Variants in FAM171A1 observed in about 807,000 individuals in gnomAD.
The protein encoded by FAM171A1 is protein FAM171A1.
In FAM171A1, 23 loss-of-function variants were observed where a neutral mutation model predicts 74.9. The observed-to-expected ratio is 0.31, with a 90% CI of 0.22 to 0.44. The LOEUF (loss-of-function observed/expected upper bound fraction) is 0.44, where lower values mean the gene tolerates loss of function less well. Ranked by LOEUF, FAM171A1 falls within the 20% of genes least tolerant of loss-of-function variation. The pLI, the probability that FAM171A1 is intolerant of heterozygous loss-of-function variation, is 1.00. For missense variants in FAM171A1, 1,162 were observed against 1,159.2 expected (o/e 1.00, Z -0.03); for synonymous variants, 527 against 505.7 (o/e 1.04, Z -0.57).
At chr10:15,296,115 T>C (rs1364334378) in intron 1 of FAM171A1, among the ~76,000 whole-genome samples, 1 of 152,184 alleles carries the variant, frequency 6.6e-6, no homozygotes, top group Admixed American at 6.5e-5. Context: ...TTTCTATTTA[T>C]ACTTCTTTTA....
intron 6 of FAM171A1, among the ~76,000 whole-genome samples, chr10:15,220,596 T>C (rs1240598341): frequency 6.6e-6 from 1 of 152,154 alleles, no homozygotes; most frequent in Non-Finnish European, 1.5e-5. Flanking sequence ...TGCTTTTCCC[T>C]ACATGTGTGC....
At chr10:15,265,098 G>A (rs112845472) in intron 3 of FAM171A1, among the ~76,000 whole-genome samples, 2,187 of 152,148 alleles carry the variant, frequency 0.014, 16 homozygotes, top group Non-Finnish European at 0.025. Flanking sequence ...TTATAAAAAG[G>A]TGCAGCCAGT....
chr10:15,248,664 C>G lies in FAM171A1; in HGVS notation c.729G>C (p.Ala243=), dbSNP rs773954432. The part of the protein sequence containing the change: ...QSSLRHNAYV[A]AWRFDQKLGT... ...CCAGCTTCTGGTCAAACCGCCACGC[C>G]GCGACATAGGCATTGTGCCTCAGGC... The change falls in exon 5 of 8, where the codon GCG becomes GCC. Residue 243 remains alanine (A), a synonymous_variant. Coordinates refer to ENST00000378116, the MANE Select transcript of FAM171A1 (RefSeq NM_001010924.2). 4 of 1,609,798 alleles carry G rather than the reference C, an allele frequency of 2.5e-6. No homozygotes were observed. In the East Asian group the frequency reaches 6.7e-5, roughly 27 times the overall value.
At chr10:15,325,766 C>T (rs1290784826) in intron 1 of FAM171A1, among the ~76,000 whole-genome samples, 3 of 152,084 alleles carry the variant, frequency 2.0e-5, no homozygotes, top group Non-Finnish European at 4.4e-5. Context: ...CTTCCACGTC[C>T]AATTGGACCA....
chr10:15,219,500 A>T (rs767032838), intron 6 of FAM171A1, among the ~76,000 whole-genome samples: 3 of 152,224 alleles, frequency 2.0e-5, no homozygotes, highest in Non-Finnish European at 4.4e-5. Flanking sequence ...TAGGTATTTC[A>T]GATTCAGAGA....
rs1176574202 is a variant in FAM171A1 at position 15,221,029 on chromosome 10, C to T, written c.786G>A (p.Val262=). 6.2e-7 allele frequency: 1 copy of T among 1,614,060 alleles called. No homozygotes were observed. Among genetic ancestry groups the T allele is most frequent in the Non-Finnish European group, 8.5e-7 (1 of 1,180,032 alleles). ...GTWLKSGLGL[V]HQEGSQLTWT... ...ACGTCAGCTGGCTGCCTTCCTGGTG[C>T]ACAAGACCCAGACCGCTCTTCAGCC... The change falls in exon 6 of 8, where the codon GTG becomes GTA. Residue 262 remains valine, a synonymous_variant. Transcript: ENST00000378116.
intron 5 of FAM171A1, among the ~76,000 whole-genome samples, chr10:15,235,920 A>T (rs554661716): frequency 2.0e-5 from 3 of 152,206 alleles, no homozygotes; most frequent in Non-Finnish European, 4.4e-5. Flanking sequence ...CCTCACCTAC[A>T]AGGTGAGGAT....
At chr10:15,336,849 A>G (rs1835706657) in intron 1 of FAM171A1, among the ~76,000 whole-genome samples, 1 of 152,132 alleles carries the variant, frequency 6.6e-6, no homozygotes, top group South Asian at 2.1e-4. Flanking sequence ...TTTTGATAAT[A>G]AGTTCTTAAA....
At chr10:15,272,538 A>G (rs1191591725) in intron 3 of FAM171A1, among the ~76,000 whole-genome samples, 4 of 152,162 alleles carry the variant, frequency 2.6e-5, no homozygotes, top group Non-Finnish European at 4.4e-5. Flanking sequence ...TGCACCAAGC[A>G]GACCTAATAG....
intron 5 of FAM171A1, among the ~76,000 whole-genome samples, chr10:15,226,485 T>C (rs1049211459): frequency 2.6e-5 from 4 of 152,192 alleles, no homozygotes; most frequent in South Asian, 4.1e-4. Flanking sequence ...CTTCCCTGCA[T>C]GAGGGCAAAG....
rs76343842 is a variant in FAM171A1 at position 15,365,009 on chromosome 10, C to T, written c.97+5947G>A. Reference sequence around the variant, plus strand: ...GTCTTTAGCCATGTAAAGTCACATACGGTTCCAGGGATCAGAATATGGACA... The same window carrying T: ...GTCTTTAGCCATGTAAAGTCACATATGGTTCCAGGGATCAGAATATGGACA... On this transcript the variant is annotated intron_variant, in intron 1 of 7. Transcript: ENST00000378116. Among the ~76,000 whole-genome samples the T allele has an allele frequency of 8.8e-3, 1,322 of 150,816 alleles. 18 individuals are homozygous for T. Among genetic ancestry groups the T allele is most frequent in the African/African-American group, 0.029 (1,207 of 41,406 alleles).
chr10:15,348,559 C>T lies in FAM171A1; in HGVS notation c.97+22397G>A, dbSNP rs998431153. On this transcript the variant is annotated intron_variant, in intron 1 of 7. Coordinates refer to ENST00000378116, the MANE Select transcript of FAM171A1 (RefSeq NM_001010924.2). Reference sequence around the variant, plus strand: ...CCCTTGCAGTCACCAGGGTCTATGACGGCGTCCTGGCTCTGCCCCTCTCTG... The same window carrying T: ...CCCTTGCAGTCACCAGGGTCTATGATGGCGTCCTGGCTCTGCCCCTCTCTG... 2.6e-5 allele frequency among the ~76,000 whole-genome samples: 4 copies of T among 152,284 alleles called. No individual in the cohort carries two copies. In the East Asian group the frequency reaches 5.8e-4, roughly 22 times the overall value.
chr10:15,250,388 T>C (rs1174601842), intron 4 of FAM171A1, among the ~76,000 whole-genome samples: 2 of 152,190 alleles, frequency 1.3e-5, no homozygotes, highest in South Asian at 2.1e-4. Flanking sequence ...CAGCTCAAAG[T>C]TGATAGAGAA....
intron 3 of FAM171A1, among the ~76,000 whole-genome samples, chr10:15,269,855 A>G (rs1268945836): frequency 1.3e-5 from 2 of 152,220 alleles, no homozygotes; most frequent in Admixed American, 1.3e-4. Context: ...CAGGGAAAAT[A>G]GATGCTATGT....
chr10:15,312,895 A>G (rs1588548298), intron 1 of FAM171A1, among the ~76,000 whole-genome samples: 1 of 151,330 alleles, frequency 6.6e-6, no homozygotes, highest in African/African-American at 2.4e-5. Flanking sequence ...GGGTTTCACA[A>G]TGTTGGCCTG....
intron 5 of FAM171A1, chr10:15,241,717 T>C (rs1435272012): frequency 6.6e-6 from 1 of 152,218 alleles, no homozygotes; most frequent in Non-Finnish European, 1.5e-5. Context: ...ACAGTTACCA[T>C]TGTTTTTTCA....
chr10:15,223,093 A>T (rs1158186350), intron 5 of FAM171A1, among the ~76,000 whole-genome samples: 1 of 152,248 alleles, frequency 6.6e-6, no homozygotes, highest in East Asian at 1.9e-4. Flanking sequence ...TAGTCCCAGC[A>T]CTTTGGGAGG....
intron 1 of FAM171A1, among the ~76,000 whole-genome samples, chr10:15,310,549 G>A (rs990567239): frequency 2.6e-5 from 4 of 152,196 alleles, no homozygotes; most frequent in East Asian, 1.9e-4. Context: ...TCTTTAAAAC[G>A]AAAACTCCTT....
At chr10:15,240,359 T>TCACA (rs79640392) in intron 5 of FAM171A1, among the ~76,000 whole-genome samples, 5 of 151,536 alleles carry the variant, frequency 3.3e-5, no homozygotes, top group Admixed American at 6.6e-5. Context: ...AGACACCATC[T>TCACA]CACACACACA....
Sources: allele counts gnomAD v4.1 joint callset (sites outside exome capture counted in the v4.1 genomes callset), GRCh38; gene constraint gnomAD v4.1.1; transcripts MANE v1.5; gene names NCBI Gene and HGNC (gene_info 2026-07-23, HGNC 2026-07-21).